Variants in FSD1L observed in about 807,000 individuals in gnomAD.
FSD1L encodes FSD1-like protein.
In FSD1L, 45 loss-of-function variants were observed where a neutral mutation model predicts 71.6. That is an observed-to-expected ratio of 0.63 (90% CI 0.49 to 0.81). FSD1L has a LOEUF of 0.81. Ranked by LOEUF, FSD1L falls within the 30% of genes least tolerant of loss-of-function variation. FSD1L has a pLI of 0.00. For missense variants in FSD1L, 561 were observed against 618.1 expected (o/e 0.91, Z 0.98); for synonymous variants, 197 against 207.2 (o/e 0.95, Z 0.42).
At chr9:105,524,700 C>T (rs192308763) in intron 10 of FSD1L, 29 of 1,613,918 alleles carry the variant, frequency 1.8e-5, no homozygotes, top group African/African-American at 1.3e-4. Flanking sequence ...TGACTCAGAA[C>T]GATCTTCTAA....
intron 7 of FSD1L, among the ~76,000 whole-genome samples, chr9:105,494,294 G>A (rs562659481): frequency 6.6e-6 from 1 of 151,726 alleles, no homozygotes; most frequent in Admixed American, 6.6e-5. Context: ...TGATTGCATC[G>A]GCTCCTGAGG....
intron 7 of FSD1L, among the ~76,000 whole-genome samples, chr9:105,490,433 T>A (rs1436156160): frequency 1.3e-5 from 2 of 152,144 alleles, no homozygotes; most frequent in Admixed American, 6.5e-5. Flanking sequence ...AGGTTGCGAA[T>A]ATTTTCTCCC....
intron 10 of FSD1L, among the ~76,000 whole-genome samples, chr9:105,519,009 A>G (rs4742949): frequency 0.28 from 42,029 of 152,118 alleles, 6,045 homozygotes; most frequent in Non-Finnish European, 0.31. Flanking sequence ...ACAAACTACC[A>G]TCAGAGAATA....
intron 1 of FSD1L, among the ~76,000 whole-genome samples, chr9:105,460,131 T>G (rs944529164): frequency 6.6e-6 from 1 of 152,200 alleles, no homozygotes; most frequent in East Asian, 1.9e-4. Context: ...TTTACAGCCT[T>G]AGGCAATTCA....
At chr9:105,523,266 C>T (rs1564138504) in intron 10 of FSD1L, 5 of 1,605,102 alleles carry the variant, frequency 3.1e-6, no homozygotes, top group South Asian at 1.1e-5. Context: ...GACTCCTTCC[C>T]CTTCTACATT....
upstream of FSD1L, chr9:105,447,757 G>T: frequency 4.4e-6 from 1 of 228,822 alleles, no homozygotes; most frequent in South Asian, 5.4e-5. Context: ...TGCGTGCTGG[G>T]TGGAGGGTGG....
chr9:105,478,874 G>A (rs1372779332), intron 5 of FSD1L, among the ~76,000 whole-genome samples: 1 of 152,180 alleles, frequency 6.6e-6, no homozygotes, highest in Non-Finnish European at 1.5e-5. Flanking sequence ...AGAATTCCTT[G>A]CCCTATAGAG....
intron 10 of FSD1L, among the ~76,000 whole-genome samples, chr9:105,518,697 CA>C (rs796529322): frequency 1.3e-5 from 2 of 152,054 alleles, no homozygotes; most frequent in South Asian, 4.2e-4. Flanking sequence ...TAAATGCCCA[CA>C]AGAGAAAGCA....
intron 7 of FSD1L, among the ~76,000 whole-genome samples, chr9:105,497,254 G>A (rs554173941): frequency 1.1e-5 from 1 of 94,578 alleles, no homozygotes; most frequent in East Asian, 3.3e-4. Context: ...GTTAATTGTT[G>A]GATTTGATTT....
At chr9:105,452,153 C>T (rs1405172144) in intron 1 of FSD1L, among the ~76,000 whole-genome samples, 1 of 152,174 alleles carries the variant, frequency 6.6e-6, no homozygotes, top group African/African-American at 2.4e-5. Context: ...ACTTGGCTTC[C>T]TTATCCCAGT....
chr9:105,470,740 G>A (rs551649749), intron 4 of FSD1L, among the ~76,000 whole-genome samples: 1 of 151,994 alleles, frequency 6.6e-6, no homozygotes, highest in Non-Finnish European at 1.5e-5. Flanking sequence ...GTTGAGGTTT[G>A]TTGTTCATAT....
intron 7 of FSD1L, among the ~76,000 whole-genome samples, chr9:105,499,577 C>T (rs1178725547): frequency 6.6e-6 from 1 of 151,936 alleles, no homozygotes. Flanking sequence ...TCCGCCCCCA[C>T]CTGGCTTCTT....
rs1247036812 is a variant in FSD1L, at chr9:105,547,061, TTTC to T, written c.*581_*583del. On this transcript the variant is annotated 3_prime_UTR_variant, in exon 14 of 14. Coordinates refer to ENST00000481272, the MANE Select transcript of FSD1L (RefSeq NM_001145313.3). ...GTTTATTGACTAGATTGTATATAATTTTCTTTTTTCCAAAATATTGTGATAAGA... is the reference window on the plus strand; with the variant it reads ...GTTTATTGACTAGATTGTATATAATTTTTTTTCCAAAATATTGTGATAAGA... 4.6e-5 allele frequency: 7 copies of T among 152,272 alleles called. No individual in the cohort carries two copies. The highest frequency in any genetic ancestry group is 1.0e-4 in the Non-Finnish European group (7 of 67,964). 9.4% of individuals were successfully genotyped at this position (152,272 alleles called of 1,614,324 possible). A position where few individuals can be genotyped will look rare whatever the true frequency, so the allele number is the denominator to read the frequency against.
chr9:105,493,639 T>C (rs1833122909), intron 7 of FSD1L, among the ~76,000 whole-genome samples: 1 of 152,210 alleles, frequency 6.6e-6, no homozygotes, highest in African/African-American at 2.4e-5. Context: ...TGGCTGGTAC[T>C]GGTTTTTCCT....
chr9:105,534,059 C>T (rs7033452), intron 10 of FSD1L, among the ~76,000 whole-genome samples: 19,775 of 152,036 alleles, frequency 0.13, 1,641 homozygotes, highest in African/African-American at 0.24. Flanking sequence ...AGATTCAGAG[C>T]AAAAATACTC....
intron 10 of FSD1L, among the ~76,000 whole-genome samples, chr9:105,533,124 GA>G (rs1836003079): frequency 6.6e-6 from 1 of 152,098 alleles, no homozygotes; most frequent in Non-Finnish European, 1.5e-5. Flanking sequence ...CTAGTGGTGA[GA>G]ATATAGTTAT....
rs547815677 is a variant in FSD1L, at chr9:105,519,842, G to A, written c.1025+6906G>A. 9.1e-3 allele frequency among the ~76,000 whole-genome samples: 1,390 copies of A among 152,246 alleles called. 23 individuals carry two copies. Among genetic ancestry groups the A allele is most frequent in the African/African-American group, 0.032 (1,341 of 41,554 alleles). On this transcript the variant is annotated intron_variant, in intron 10 of 13. Transcript: ENST00000481272. ...CGAGCGGCGGCCGCTGGAGACGAGC[G>A]GCGGCGGCAGGCGGCCAGCCCGGGT...
intron 10 of FSD1L, chr9:105,526,324 C>G: frequency 1.2e-6 from 2 of 1,611,148 alleles, no homozygotes; most frequent in Non-Finnish European, 1.7e-6. Flanking sequence ...TTCTCCAGCT[C>G]CCTACCACCA....
At chr9:105,443,161 G>A (rs192874289), upstream of FSD1L, among the ~76,000 whole-genome samples, 4 of 152,186 alleles carry the variant, frequency 2.6e-5, no homozygotes, top group African/African-American at 7.2e-5. Flanking sequence ...CATTCTTTCC[G>A]TCTGTATTAG....
Sources: allele counts gnomAD v4.1 joint callset (sites outside exome capture counted in the v4.1 genomes callset), GRCh38; gene constraint gnomAD v4.1.1; transcripts MANE v1.5; gene names NCBI Gene and HGNC (gene_info 2026-07-23, HGNC 2026-07-21).